Variants in PFKFB2 observed in about 807,000 individuals in gnomAD.
The protein encoded by PFKFB2 is 6-phosphofructo-2-kinase/fructose-2,6-bisphosphatase 2.
Under a neutral mutation model 68.0 loss-of-function variants are expected in PFKFB2, and 53 were observed. The observed-to-expected ratio is 0.78, with a 90% CI of 0.63 to 0.98. PFKFB2 has a LOEUF of 0.98. Among genes scored for constraint, PFKFB2 ranks in the 50% least tolerant of loss-of-function variants. The pLI is 0.00. For synonymous variants in PFKFB2, 222 were observed against 227.6 expected, an observed-to-expected ratio of 0.98 and a Z score of 0.22; for missense variants, 451 against 642.0, an observed-to-expected ratio of 0.70 and a Z score of 3.22.
At chr1:207,052,277 A>G (rs1405451535), upstream of PFKFB2, 4 of 1,562,836 alleles carry the variant, frequency 2.6e-6, no homozygotes, top group Non-Finnish European at 2.6e-6. Flanking sequence ...TTGCTGGTGC[A>G]ATTTTCCTCC....
chr1:207,076,279 G>A lies in PFKFB2; in HGVS notation c.*3908G>A, dbSNP rs1250486122. 1.1e-6 allele frequency: 1 copy of A among 942,960 alleles called. No individual in the cohort carries two copies. Among genetic ancestry groups the A allele is most frequent in the African/African-American group, 1.8e-5 (1 of 54,760 alleles). 58.4% of individuals were successfully genotyped at this position (942,960 alleles called of 1,614,324 possible). A position where few individuals can be genotyped will look rare whatever the true frequency, so the allele number is the denominator to read the frequency against. On this transcript the variant is annotated 3_prime_UTR_variant, in exon 15 of 15. Transcript: ENST00000367080. ...TTTTTTTTTTTTTTTATGAGCAGGA[G>A]ATCTTAATTGACAGAAACTCATTGG...
chr1:207,061,422 T>C (rs969995073), intron 2 of PFKFB2, among the ~76,000 whole-genome samples: 2 of 151,762 alleles, frequency 1.3e-5, no homozygotes, highest in Non-Finnish European at 2.9e-5. Context: ...AAGACGTATC[T>C]TGGTTTGGGC....
At chr1:207,065,603 C>T (rs1440413816) in intron 8 of PFKFB2, among the ~76,000 whole-genome samples, 8 of 152,058 alleles carry the variant, frequency 5.3e-5, no homozygotes, top group Admixed American at 2.0e-4. Context: ...CCACCCGCCT[C>T]GGCCTCCCAA....
chr1:207,039,221 T>C (rs1321873612), intron 1 of PFKFB2, among the ~76,000 whole-genome samples: 1 of 152,190 alleles, frequency 6.6e-6, no homozygotes, highest in African/African-American at 2.4e-5. Flanking sequence ...ATGTACTCCA[T>C]AATATTAACA....
At chr1:207,043,227 T>G (rs1682512540) in intron 2 of PFKFB2, among the ~76,000 whole-genome samples, 1 of 152,228 alleles carries the variant, frequency 6.6e-6, no homozygotes, top group African/African-American at 2.4e-5. Flanking sequence ...CAACCGATTC[T>G]TTATGAACCT....
At chr1:207,042,480 G>A (rs767020268) in intron 2 of PFKFB2, among the ~76,000 whole-genome samples, 3 of 144,460 alleles carry the variant, frequency 2.1e-5, no homozygotes, top group East Asian at 4.0e-4. Flanking sequence ...CCTGGCAGGC[G>A]GAGCTTGCAG....
intron 2 of PFKFB2, chr1:207,046,319 C>G (rs1169336323): frequency 1.3e-5 from 2 of 151,898 alleles, no homozygotes; most frequent in African/African-American, 4.8e-5. Context: ...TCAAAATTCC[C>G]AAGATGAGAA....
At chr1:207,040,896 T>A (rs1682463101) in intron 1 of PFKFB2, among the ~76,000 whole-genome samples, 2 of 152,008 alleles carry the variant, frequency 1.3e-5, no homozygotes, top group Non-Finnish European at 2.9e-5. Context: ...TTTTACTTTT[T>A]GTAGTTATAA....
At chr1:207,079,361 C>CT (rs898513116), downstream of PFKFB2, 5 of 322,940 alleles carry the variant, frequency 1.5e-5, no homozygotes, top group Middle Eastern at 8.8e-4. Flanking sequence ...TTTGCTGGCT[C>CT]TTTTTTGCCC....
At chr1:207,053,656 T>G (rs1296857246) in intron 1 of PFKFB2, among the ~76,000 whole-genome samples, 1 of 152,128 alleles carries the variant, frequency 6.6e-6, no homozygotes, top group East Asian at 1.9e-4. Flanking sequence ...GAATCAGGGC[T>G]TACCCCTCTT....
chr1:207,072,544 A>G lies in PFKFB2; in HGVS notation c.*173A>G. 7.3e-7 allele frequency: 1 copy of G among 1,365,126 alleles called. No homozygotes were observed. The highest frequency in any genetic ancestry group is 9.4e-7 in the Non-Finnish European group (1 of 1,059,606). 84.6% of individuals were successfully genotyped at this position (1,365,126 alleles called of 1,614,324 possible). On this transcript the variant is annotated 3_prime_UTR_variant, in exon 15 of 15. Coordinates refer to ENST00000367080, the MANE Select transcript of PFKFB2 (RefSeq NM_006212.2). ...ACATGAGGTTATGTGTTTATAGGAC[A>G]ACTTAAGCTGTTCTTCAGTTTGAAA... is the stretch of plus-strand genomic sequence containing the variant.
Position 207,077,152 on chromosome 1 carries a change from C to T in PFKFB2, c.*4781C>T, listed in dbSNP as rs2102290499. The T allele has an allele frequency of 2.0e-6, 2 of 985,172 alleles. No individual in the cohort carries two copies. The highest frequency in any genetic ancestry group is 2.4e-6 in the Non-Finnish European group (2 of 829,868). 61.0% of individuals were successfully genotyped at this position (985,172 alleles called of 1,614,324 possible). On this transcript the variant is annotated 3_prime_UTR_variant, in exon 15 of 15. Transcript: ENST00000367080. Reference sequence around the variant, plus strand: ...TACTTGAAGTCATCTCATCCAGTCCCCTGCTTTAGGGCAGGACTTCAGTTC... The same window carrying T: ...TACTTGAAGTCATCTCATCCAGTCCTCTGCTTTAGGGCAGGACTTCAGTTC...
At position 207,072,235 on chromosome 1, in the gene PFKFB2, G is replaced by A. The variant is rs770522438; in HGVS notation, c.1382G>A (p.Arg461Lys). The part of the protein sequence containing the change: ...NNFPKNQTPV[R>K]MRRNSFTPLS... ...TTCCCCAAGAACCAAACCCCTGTAA[G>A]GATGAGAAGGAACAGCTTTACGCCT... The change falls in exon 15 of 15, where the codon AGG (arginine) becomes AAG (lysine). Residue 461 changes from arginine (R) to lysine (K), a missense_variant. Transcript: ENST00000367080. The A allele has an allele frequency of 4.4e-5, 71 of 1,614,054 alleles. No homozygotes were observed. Among genetic ancestry groups the A allele is most frequent in the Non-Finnish European group, 5.8e-5 (69 of 1,180,012 alleles).
chr1:207,034,949 T>C (rs899085511), intron 1 of PFKFB2: 9 of 155,614 alleles, frequency 5.8e-5, no homozygotes, highest in African/African-American at 2.2e-4. Flanking sequence ...TGCTTAGAAA[T>C]ATACCAAGTC....
chr1:207,071,995 C>G (rs564838972), intron 14 of PFKFB2, among the ~76,000 whole-genome samples: 7 of 152,094 alleles, frequency 4.6e-5, no homozygotes, highest in African/African-American at 1.7e-4. Flanking sequence ...GGTCTTTTTC[C>G]TGCTTTGGAA....
chr1:207,065,308 G>A lies in PFKFB2; in HGVS notation c.632+148G>A, dbSNP rs945448823. ...CAGAGAAATAAGGTATGGATTTGTG[G>A]CTTTTATGTGGATTGCATCTTGTAC... On this transcript the variant is annotated intron_variant, in intron 8 of 14. Coordinates refer to ENST00000367080, the MANE Select transcript of PFKFB2 (RefSeq NM_006212.2). 1.7e-5 allele frequency: 24 copies of A among 1,433,158 alleles called. 1 individual carries two copies. In the African/African-American group the frequency reaches 3.3e-4, roughly 20 times the overall value. The allele number at this position is 1,433,158 out of a possible 1,614,324, so 88.8% of individuals were successfully genotyped here. A position where few individuals can be genotyped will look rare whatever the true frequency, so the allele number is the denominator to read the frequency against.
At chr1:207,042,890 CTG>C (rs1222441034) in intron 2 of PFKFB2, among the ~76,000 whole-genome samples, 3 of 152,120 alleles carry the variant, frequency 2.0e-5, no homozygotes, top group African/African-American at 7.2e-5. Context: ...AACTTAATAA[CTG>C]TAAGTGGTGA....
chr1:207,062,456 T>C, intron 3 of PFKFB2, 164 bp from the exon 4 acceptor site: 1 of 1,119,854 alleles, frequency 8.9e-7, no homozygotes, highest in South Asian at 1.5e-5. Context: ...AAGTCAGGGC[T>C]TGAACCCAAC....
In PFKFB2 at chr1:207,072,713, G is replaced by T. The variant is rs1683504472; in HGVS notation, c.*342G>T. On this transcript the variant is annotated 3_prime_UTR_variant, in exon 15 of 15. Transcript: ENST00000367080. ...TCTTGGATCTTCTCTCTGTTCCCTGGTGTCTTCACTAATGTCCTCATGTTG... is the reference window on the plus strand; with the variant it reads ...TCTTGGATCTTCTCTCTGTTCCCTGTTGTCTTCACTAATGTCCTCATGTTG... The T allele has an allele frequency of 3.5e-5, 37 of 1,053,378 alleles. No homozygotes were observed. Among genetic ancestry groups the T allele is most frequent in the Non-Finnish European group, 4.2e-5 (37 of 874,052 alleles). The allele number at this position is 1,053,378 out of a possible 1,614,324, so 65.3% of individuals were successfully genotyped here.
Sources: allele counts gnomAD v4.1 joint callset (sites outside exome capture counted in the v4.1 genomes callset), GRCh38; gene constraint gnomAD v4.1.1; transcripts MANE v1.5; gene names NCBI Gene and HGNC (gene_info 2026-07-23, HGNC 2026-07-21).